Variants in ZNF710 observed in about 807,000 individuals in gnomAD.
ZNF710 encodes the protein zinc finger protein 710.
ZNF710 carries 13 observed loss-of-function variants against 50.6 expected under a neutral mutation model. The ratio of observed to expected loss-of-function variants is 0.26; its 90% confidence interval spans 0.17 to 0.41. The LOEUF (loss-of-function observed/expected upper bound fraction) is 0.41. Among genes scored for constraint, ZNF710 ranks in the 10% least tolerant of loss-of-function variants. The pLI is 1.00. For missense variants in ZNF710, 721 were observed against 936.6 expected (o/e 0.77, Z 3.01); for synonymous variants, 383 against 397.0 (o/e 0.96, Z 0.42).
chr15:90,061,149 T>A (rs1162081910), intron 1 of ZNF710, among the ~76,000 whole-genome samples: 1 of 151,066 alleles, frequency 6.6e-6, no homozygotes, highest in Non-Finnish European at 1.5e-5. Context: ...GCTTGCTTGC[T>A]TTTTCTTTAT....
At chr15:90,023,650 C>T (rs1211576772) in intron 1 of ZNF710, among the ~76,000 whole-genome samples, 1 of 152,180 alleles carries the variant, frequency 6.6e-6, no homozygotes, top group East Asian at 1.9e-4. Flanking sequence ...CACCACTGCA[C>T]ACCAGCCTGG....
At chr15:90,005,890 T>C (rs1898129271) in intron 1 of ZNF710, among the ~76,000 whole-genome samples, 1 of 152,228 alleles carries the variant, frequency 6.6e-6, no homozygotes, top group Non-Finnish European at 1.5e-5. Flanking sequence ...CTTATCCTCA[T>C]TTGGCAGAGG....
chr15:90,063,029 A>G (rs1900059664), intron 1 of ZNF710, among the ~76,000 whole-genome samples: 1 of 151,972 alleles, frequency 6.6e-6, no homozygotes, highest in South Asian at 2.1e-4. Flanking sequence ...CTCAATGAAG[A>G]CTTCTAGTAG....
rs1480875282 is a variant in ZNF710 at position 90,034,858 on chromosome 15, G to A, written c.-28-32252G>A. Among the ~76,000 whole-genome samples, 1 of 151,854 alleles carries A rather than the reference G, an allele frequency of 6.6e-6. No homozygotes were observed. Among genetic ancestry groups the A allele is most frequent in the East Asian group, 1.9e-4 (1 of 5,192 alleles). ...CACATCGCCCCAAGGTCGGGCTGAA[G>A]AGATTTGGATCTTCTGAGTTGCAAG... On this transcript the variant is annotated intron_variant, in intron 1 of 4. Coordinates refer to ENST00000268154, the MANE Select transcript of ZNF710 (RefSeq NM_198526.4). This position sits in a 1 kb window ranked among gnomAD's most constrained non-coding sequence, Gnocchi z 4.0.
chr15:90,043,014 G>A (rs936183805), intron 1 of ZNF710, among the ~76,000 whole-genome samples: 1 of 152,378 alleles, frequency 6.6e-6, no homozygotes, highest in East Asian at 1.9e-4. Flanking sequence ...CTCCTGGAGT[G>A]AGGGCCCAGC....
At chr15:90,031,790 G>A (rs998957871) in intron 1 of ZNF710, among the ~76,000 whole-genome samples, 4 of 152,156 alleles carry the variant, frequency 2.6e-5, no homozygotes, top group South Asian at 2.1e-4. Context: ...GGGTGGGTGG[G>A]AACCAAGTGC....
Position 90,034,347 on chromosome 15 carries a change from G to A in ZNF710, c.-29+32733G>A, listed in dbSNP as rs1304827677. ...AGGAAAGGGAGGAATTCTTTGTGCT[G>A]TTTTGTCTATGTTATTTGAAAAAGT... On this transcript the variant is annotated intron_variant, in intron 1 of 4. Transcript: ENST00000268154. This position sits in a 1 kb window ranked among gnomAD's most constrained non-coding sequence, Gnocchi z 4.0. Among the ~76,000 whole-genome samples the A allele has an allele frequency of 3.3e-5, 5 of 151,920 alleles. No homozygotes were observed. The highest frequency in any genetic ancestry group is 5.9e-5 in the Non-Finnish European group (4 of 67,988).
chr15:90,021,012 C>T (rs1027091340), intron 1 of ZNF710, among the ~76,000 whole-genome samples: 1 of 104,398 alleles, frequency 9.6e-6, no homozygotes, highest in Non-Finnish European at 2.3e-5. Flanking sequence ...GTGTGGCACC[C>T]CCCCCCCCTT....
chr15:90,031,013 C>T lies in ZNF710; in HGVS notation c.-29+29399C>T, dbSNP rs1291653068. Among the ~76,000 whole-genome samples the T allele has an allele frequency of 1.5e-3, 90 of 59,568 alleles. 2 individuals carry two copies. The highest frequency in any genetic ancestry group is 3.5e-4 in the Non-Finnish European group (10 of 28,622). 39.1% of individuals were successfully genotyped at this position (59,568 alleles called of 152,430 possible). On this transcript the variant is annotated intron_variant, in intron 1 of 4. Transcript: ENST00000268154. ...CAGCCTGGGCGACAGAGCGAGACTCCGTCTCAAAAAAAAAGAAAAAAAAAA... is the reference window on the plus strand; with the variant it reads ...CAGCCTGGGCGACAGAGCGAGACTCTGTCTCAAAAAAAAAGAAAAAAAAAA...
At chr15:90,000,119 A>C, upstream of ZNF710, among the ~76,000 whole-genome samples, 1 of 152,020 alleles carries the variant, frequency 6.6e-6, no homozygotes, top group East Asian at 1.9e-4. Context: ...TTACTTGGGA[A>C]AATGACAAAT....
At chr15:90,052,421 A>G (rs1368463345) in intron 1 of ZNF710, among the ~76,000 whole-genome samples, 1 of 152,172 alleles carries the variant, frequency 6.6e-6, no homozygotes, top group Non-Finnish European at 1.5e-5. Flanking sequence ...GAGATTAAAA[A>G]CAGCAATGGA....
At chr15:90,079,273 T>C (rs1345050558) in intron 4 of ZNF710, among the ~76,000 whole-genome samples, 1 of 152,220 alleles carries the variant, frequency 6.6e-6, no homozygotes, top group Non-Finnish European at 1.5e-5. Context: ...TAATGAGTGC[T>C]GCAAAGGTGA....
intron 1 of ZNF710, among the ~76,000 whole-genome samples, chr15:90,009,056 A>T (rs1448888695): frequency 6.6e-6 from 1 of 152,112 alleles, no homozygotes; most frequent in Non-Finnish European, 1.5e-5. Context: ...CACCCTCCGC[A>T]TTTAAATGGG....
rs1158554921 is a variant in ZNF710 at position 90,080,575 on chromosome 15, G to GA, written c.*747dup. 1 of 152,652 alleles carries GA rather than the reference G, an allele frequency of 6.6e-6. No homozygotes were observed. The highest frequency in any genetic ancestry group is 1.5e-5 in the Non-Finnish European group (1 of 68,272). The allele number at this position is 152,652 out of a possible 1,614,324, so 9.5% of individuals were successfully genotyped here. On this transcript the variant is annotated 3_prime_UTR_variant, in exon 5 of 5. Transcript: ENST00000268154. The stretch of plus-strand genomic sequence containing the variant: ...GGGGCCCCACTAGGAACAAAGCCAG[G>GA]ACAGGCCCCGCGTCAGGCACACACT...
chr15:90,077,809 G>A (rs1004763614), intron 4 of ZNF710, among the ~76,000 whole-genome samples: 1 of 152,118 alleles, frequency 6.6e-6, no homozygotes, highest in Non-Finnish European at 1.5e-5. Flanking sequence ...CCAGCTACTC[G>A]GGAGGTTGAG....
Position 90,067,166 on chromosome 15 carries a change from A to G in ZNF710, c.29A>G (p.Gln10Arg). ...GAGGGCTTCATGGACTCAGGGACAC[A>G]GACGGACGCCGTGGTGGTGCTGTCC... MEGFMDSGTQTDAVVVLSLA... is the reference protein window; with the variant it reads MEGFMDSGTRTDAVVVLSLA... Residue 10 changes from glutamine to arginine, a missense_variant, in exon 2 of 5, where the codon CAG (glutamine) becomes CGG (arginine). By Grantham distance (43) the Gln-to-Arg change is conservative (BLOSUM62 1). Around this residue, in one of 3 missense-constraint regions of ZNF710, gnomAD observed 326 missense variants for 347.1 expected, o/e 0.94. Transcript: ENST00000268154. The surrounding 1 kb of genome is among the most constrained non-coding windows in gnomAD (Gnocchi z 8.1). 6.2e-7 allele frequency: 1 copy of G among 1,608,750 alleles called. No homozygotes were observed. The highest frequency in any genetic ancestry group is 8.5e-7 in the Non-Finnish European group (1 of 1,176,502).
In ZNF710 at chr15:90,068,072, C is replaced by T; in HGVS notation, c.935C>T (p.Thr312Met). ...TACACGTCCAAGTACAACCTGGTGA[C>T]GCACATCCTGGGCCACAACGGCATC... Reference protein sequence around the residue: ...KSYTSKYNLVTHILGHNGIKP... With the variant: ...KSYTSKYNLVMHILGHNGIKP... Residue 312 changes from threonine to methionine, a missense_variant, in exon 2 of 5, where the codon ACG becomes ATG. Thr to Met is a moderately conservative substitution (Grantham distance 81, BLOSUM62 -1). Transcript: ENST00000268154. The surrounding 1 kb of genome is among the most constrained non-coding windows in gnomAD (Gnocchi z 5.0). 6.2e-7 allele frequency: 1 copy of T among 1,614,262 alleles called. No homozygotes were observed. Among genetic ancestry groups the T allele is most frequent in the Non-Finnish European group, 8.5e-7 (1 of 1,180,050 alleles).
At position 90,012,000 on chromosome 15, in the gene ZNF710, A is replaced by G. The variant is rs568146124; in HGVS notation, c.-29+10386A>G. On this transcript the variant is annotated intron_variant, in intron 1 of 4. Coordinates refer to ENST00000268154, the MANE Select transcript of ZNF710 (RefSeq NM_198526.4). ...GGCAGGTGGATCATGAGGTCAAGAGATTGCGACAATCCTGGCCAACATGGT... is the reference window on the plus strand; with the variant it reads ...GGCAGGTGGATCATGAGGTCAAGAGGTTGCGACAATCCTGGCCAACATGGT... Among the ~76,000 whole-genome samples the G allele has an allele frequency of 1.3e-4, 20 of 152,220 alleles. No individual in the cohort carries two copies. The South Asian group carries it at 1.5e-3, about 11-fold the overall frequency.
intron 4 of ZNF710, among the ~76,000 whole-genome samples, chr15:90,078,643 G>T (rs563365979): frequency 1.9e-4 from 29 of 152,356 alleles, no homozygotes; most frequent in African/African-American, 6.3e-4. Context: ...TGTCACAACT[G>T]GGGTGATGCT....
Sources: allele counts gnomAD v4.1 joint callset (sites outside exome capture counted in the v4.1 genomes callset), GRCh38; gene constraint gnomAD v4.1.1; regional missense constraint gnomAD v4.1.1; non-coding constraint Gnocchi (gnomAD v3.1); transcripts MANE v1.5; gene names NCBI Gene and HGNC (gene_info 2026-07-23, HGNC 2026-07-21).